The following DPP8 variants were observed in gnomAD, a reference collection of about 807,000 sequenced individuals.
DPP8 encodes the protein DPP VIII.
Under a neutral mutation model 107.5 loss-of-function variants are expected in DPP8, and 31 were observed. That is an observed-to-expected ratio of 0.29 (90% CI 0.22 to 0.39). DPP8 has a LOEUF of 0.39. Ranked by LOEUF, DPP8 falls within the 10% of genes least tolerant of loss-of-function variation. The pLI is 1.00. For synonymous variants in DPP8, 381 were observed against 356.6 expected, an observed-to-expected ratio of 1.07 and a Z score of -0.77; for missense variants, 842 against 1,076.1, an observed-to-expected ratio of 0.78 and a Z score of 3.04.
Position 65,475,744 on chromosome 15 carries a change from C to A in DPP8, c.1457-1456G>T, listed in dbSNP as rs2066325640. On this transcript the variant is annotated intron_variant, in intron 11 of 19. Coordinates refer to ENST00000300141, the MANE Select transcript of DPP8 (RefSeq NM_130434.5). ...GTTTACCATAGCAAATGTCAACATG[C>A]CCCATTTGTTTTGTTTTTGTTTTTT... The A allele has an allele frequency of 4.9e-5, 23 of 474,002 alleles. 1 individual carries two copies. The highest frequency in any genetic ancestry group is 4.6e-4 in the South Asian group (23 of 49,888). 29.4% of individuals were successfully genotyped at this position (474,002 alleles called of 1,614,324 possible).
rs1567109402 is a variant in DPP8, at chr15:65,443,564, AT to A, written c.*3319del. 6.6e-6 allele frequency: 1 copy of A among 152,226 alleles called. No individual in the cohort carries two copies. Among genetic ancestry groups the A allele is most frequent in the Non-Finnish European group, 1.5e-5 (1 of 68,048 alleles). The allele number at this position is 152,226 out of a possible 1,614,324, so 9.4% of individuals were successfully genotyped here. The stretch of plus-strand genomic sequence containing the variant: ...AAGGTAATGCATGCATTGTGACCTA[AT>A]CCTCTTGTATGAGGCTTTGGAAAAG... On this transcript the variant is annotated 3_prime_UTR_variant, in exon 20 of 20. Transcript: ENST00000300141.
intron 6 of DPP8, among the ~76,000 whole-genome samples, chr15:65,489,413 CTTTTTTT>C: frequency 1.9e-5 from 2 of 104,236 alleles, no homozygotes; most frequent in East Asian, 6.0e-4. Context: ...ATATAATCTA[CTTTTTTT>C]TTTTTTTTTT....
intron 13 of DPP8, 77 bp from the exon 14 acceptor site, chr15:65,466,890 A>G: frequency 6.9e-7 from 1 of 1,451,722 alleles, no homozygotes. Flanking sequence ...TGCACTAATG[A>G]TATAGCAAGA....
intron 1 of DPP8, chr15:65,516,954 GAA>G (rs1284847784): frequency 6.6e-6 from 1 of 152,664 alleles, no homozygotes; most frequent in Admixed American, 6.5e-5. Context: ...GGCAGGAAAG[GAA>G]AGTGTCCTGC....
chr15:65,452,224 G>T, intron 17 of DPP8, 122 bp from the exon 18 acceptor site: 2 of 1,124,074 alleles, frequency 1.8e-6, no homozygotes, highest in Non-Finnish European at 1.2e-6. Flanking sequence ...TACTACTGGC[G>T]CATACATGTC....
chr15:65,479,545 A>G (rs1475634021), intron 10 of DPP8, among the ~76,000 whole-genome samples: 3 of 152,176 alleles, frequency 2.0e-5, no homozygotes, highest in Non-Finnish European at 4.4e-5. Flanking sequence ...TCAAAATTCA[A>G]TTAAGAATTG....
intron 1 of DPP8, chr15:65,515,823 C>T (rs181728766): frequency 1.2e-6 from 1 of 839,822 alleles, no homozygotes; most frequent in Admixed American, 2.7e-5. Flanking sequence ...TAAGATAAGA[C>T]TTTGATCATT....
intron 4 of DPP8, 90 bp downstream of exon 4, chr15:65,500,516 G>A (rs2069105440): frequency 2.1e-6 from 2 of 950,720 alleles, no homozygotes; most frequent in African/African-American, 3.3e-5. Flanking sequence ...AACTGAAGTT[G>A]CTGGTTTGTT....
rs376246952 is a variant in DPP8, at chr15:65,452,107, A to G, written c.2272-5T>C. ...TGGGGCCCCAGCAATAGCAACCTGC[A>G]TAAGATGACATTGACAGTCAAGTGT... On this transcript the variant is annotated splice_polypyrimidine_tract_variant and splice_region_variant and intron_variant, in intron 17 of 19. Transcript: ENST00000300141. 1.3e-5 allele frequency: 20 copies of G among 1,598,908 alleles called. No individual in the cohort carries two copies. The African/African-American group carries it at 1.9e-4, about 15-fold the overall frequency.
At position 65,478,008 on chromosome 15, in the gene DPP8, T is replaced by A. The variant is rs531611391; in HGVS notation, c.1456+872A>T. Among the ~76,000 whole-genome samples the A allele has an allele frequency of 1.3e-3, 203 of 152,332 alleles. 2 individuals carry two copies. The East Asian group carries it at 0.035, about 26-fold the overall frequency. Reference sequence around the variant, plus strand: ...CAGGAAAAGTGTTCTATGTACCCATTTACTTTTCCTAGGCTTATGCATCCA... The same window carrying A: ...CAGGAAAAGTGTTCTATGTACCCATATACTTTTCCTAGGCTTATGCATCCA... On this transcript the variant is annotated intron_variant, in intron 11 of 19. Coordinates refer to ENST00000300141, the MANE Select transcript of DPP8 (RefSeq NM_130434.5).
chr15:65,491,649 T>C (rs1479164160), intron 5 of DPP8, among the ~76,000 whole-genome samples: 1 of 152,260 alleles, frequency 6.6e-6, no homozygotes, highest in Non-Finnish European at 1.5e-5. Context: ...ACTGCTGAGT[T>C]GTATTCCATT....
intron 6 of DPP8, among the ~76,000 whole-genome samples, chr15:65,489,580 A>AT (rs67109112): frequency 5.6e-4 from 70 of 125,506 alleles, no homozygotes; most frequent in East Asian, 5.5e-3. Context: ...TGCCCAGCTA[A>AT]TTTTTTTTTT....
chr15:65,465,083 T>A (rs1337418537), intron 14 of DPP8, among the ~76,000 whole-genome samples: 1 of 152,076 alleles, frequency 6.6e-6, no homozygotes, highest in Non-Finnish European at 1.5e-5. Flanking sequence ...TAAGCAGAGA[T>A]CATCACCATA....
chr15:65,472,866 C>T (rs1051068496), intron 12 of DPP8, among the ~76,000 whole-genome samples: 5 of 152,126 alleles, frequency 3.3e-5, no homozygotes, highest in African/African-American at 1.2e-4. Context: ...ATGGCGGAAT[C>T]CCGTCTACAA....
chr15:65,448,887 TATATATATATATA>T (rs1475662292), intron 19 of DPP8, among the ~76,000 whole-genome samples: 17 of 62,680 alleles, frequency 2.7e-4, no homozygotes, highest in African/African-American at 1.0e-3. Context: ...TATATATATA[TATATATATATATA>T]TATATATATA....
chr15:65,452,217 T>A, intron 17 of DPP8, 115 bp from the exon 18 acceptor site: 1 of 1,177,626 alleles, frequency 8.5e-7, no homozygotes, highest in Non-Finnish European at 1.2e-6. Flanking sequence ...TTAGCCTTAC[T>A]ACTGGCGCAT....
chr15:65,457,153 G>A (rs1485382127), intron 15 of DPP8, among the ~76,000 whole-genome samples: 4 of 152,086 alleles, frequency 2.6e-5, no homozygotes, highest in South Asian at 2.1e-4. Context: ...TCAGGAGTTC[G>A]AGACCAGCCT....
chr15:65,507,454 T>A, intron 2 of DPP8, 99 bp from the exon 3 acceptor site: 1 of 678,516 alleles, frequency 1.5e-6, no homozygotes, highest in Non-Finnish European at 2.5e-6. Flanking sequence ...ACTGCAATAT[T>A]TTGCACTCTA....
At chr15:65,467,015 T>C (rs758546266) in intron 13 of DPP8, 56 bp downstream of exon 13, 28 of 1,594,952 alleles carry the variant, frequency 1.8e-5, no homozygotes, top group Middle Eastern at 1.7e-4. Flanking sequence ...AAAGGAGTAT[T>C]ACATAAGCAG....
Sources: allele counts gnomAD v4.1 joint callset (sites outside exome capture counted in the v4.1 genomes callset), GRCh38; gene constraint gnomAD v4.1.1; transcripts MANE v1.5; gene names NCBI Gene and HGNC (gene_info 2026-07-23, HGNC 2026-07-21).